Variants in LANCL2 observed in about 807,000 individuals in gnomAD.
LANCL2 encodes the protein LanC like glutathione S-transferase 2, also known as lanC-like protein 2.
Under a neutral mutation model 56.9 loss-of-function variants are expected in LANCL2, and 33 were observed. The observed-to-expected ratio is 0.58, with a 90% CI of 0.44 to 0.78. The LOEUF (loss-of-function observed/expected upper bound fraction) is 0.78. LANCL2 is among the 30% of genes least tolerant of loss of function. The pLI is 0.00. For synonymous variants in LANCL2, 233 were observed against 228.2 expected, an observed-to-expected ratio of 1.02 and a Z score of -0.19; for missense variants, 562 against 580.2, an observed-to-expected ratio of 0.97 and a Z score of 0.32.
intron 4 of LANCL2, 82 bp from the exon 5 acceptor site, chr7:55,401,092 T>A: frequency 3.4e-6 from 4 of 1,167,022 alleles, no homozygotes; most frequent in Non-Finnish European, 5.0e-6. Context: ...ATATATGTCA[T>A]ATATATATGA....
chr7:55,366,252 G>C (rs541111797), intron 1 of LANCL2, 23 bp downstream of exon 1: 3 of 1,456,054 alleles, frequency 2.1e-6, no homozygotes, highest in African/African-American at 2.9e-5. Context: ...CCTGGCCGCA[G>C]AGGCGCCGGA....
intron 1 of LANCL2, among the ~76,000 whole-genome samples, chr7:55,369,500 T>C (rs1450121664): frequency 1.3e-5 from 2 of 152,214 alleles, no homozygotes; most frequent in Admixed American, 1.3e-4. Context: ...TTTTTTACAA[T>C]ATTGGGCCAA....
chr7:55,428,730 C>CAATGGAAGAAA (rs1164590133), intron 8 of LANCL2, among the ~76,000 whole-genome samples: 33 of 152,278 alleles, frequency 2.2e-4, no homozygotes, highest in African/African-American at 7.7e-4. Context: ...AAATAGTTTA[C>CAATGGAAGAAA]TCCTCTGCAT....
intron 2 of LANCL2, among the ~76,000 whole-genome samples, chr7:55,395,315 G>A (rs1790237888): frequency 6.6e-6 from 1 of 152,164 alleles, no homozygotes; most frequent in African/African-American, 2.4e-5. Context: ...AAAATTGGCA[G>A]TACTTTCAAC....
chr7:55,429,027 T>C (rs1444291535), intron 8 of LANCL2, among the ~76,000 whole-genome samples: 1 of 152,080 alleles, frequency 6.6e-6, no homozygotes, highest in Non-Finnish European at 1.5e-5. Flanking sequence ...CGGATATTCG[T>C]TAGATTTGTA....
intron 6 of LANCL2, among the ~76,000 whole-genome samples, chr7:55,420,437 T>C (rs1378675844): frequency 6.6e-6 from 1 of 152,238 alleles, no homozygotes; most frequent in Non-Finnish European, 1.5e-5. Context: ...GATTTAACAT[T>C]TTAAAATTTA....
chr7:55,406,988 AC>A (rs1167377772), intron 5 of LANCL2, among the ~76,000 whole-genome samples: 1 of 152,026 alleles, frequency 6.6e-6, no homozygotes, highest in Non-Finnish European at 1.5e-5. Flanking sequence ...GAACCCCAGA[AC>A]TCAGGAGGGG....
In LANCL2 at chr7:55,432,744, C is replaced by G. The variant is rs1043444482; in HGVS notation, c.*1424C>G. 6.6e-6 allele frequency: 1 copy of G among 152,232 alleles called. No individual in the cohort carries two copies. Among genetic ancestry groups the G allele is most frequent in the African/African-American group, 2.4e-5 (1 of 41,456 alleles). The allele number at this position is 152,232 out of a possible 1,614,324, so 9.4% of individuals were successfully genotyped here. On this transcript the variant is annotated 3_prime_UTR_variant, in exon 9 of 9. Transcript: ENST00000254770. ...TGTGGTTATGTGTGGGGCTGGCACCCGAAATGTGTGACATTCAGCTTCTAA... is the reference window on the plus strand; with the variant it reads ...TGTGGTTATGTGTGGGGCTGGCACCGGAAATGTGTGACATTCAGCTTCTAA...
chr7:55,393,037 T>A (rs1345594329), intron 2 of LANCL2, among the ~76,000 whole-genome samples: 1 of 152,214 alleles, frequency 6.6e-6, no homozygotes, highest in Non-Finnish European at 1.5e-5. Context: ...AAAATGTAAT[T>A]GAAAAATTAA....
chr7:55,392,565 T>A (rs115355936), intron 2 of LANCL2, among the ~76,000 whole-genome samples: 126 of 148,838 alleles, frequency 8.5e-4, no homozygotes, highest in African/African-American at 3.0e-3. Context: ...CTGAGGTTGG[T>A]CTCAAATTCC....
chr7:55,407,632 A>G (rs531145834), intron 5 of LANCL2, among the ~76,000 whole-genome samples: 7 of 152,180 alleles, frequency 4.6e-5, no homozygotes, highest in Non-Finnish European at 8.8e-5. Flanking sequence ...GGCCTTGTCA[A>G]TCAGTTGAAG....
chr7:55,430,801 G>A (rs1790719015), intron 8 of LANCL2, among the ~76,000 whole-genome samples: 1 of 152,084 alleles, frequency 6.6e-6, no homozygotes, highest in South Asian at 2.1e-4. Flanking sequence ...AATGATTTGG[G>A]GTGGGGATTT....
rs1562863045 is a variant in LANCL2, at chr7:55,398,669, AG to A, written c.530+40del. The stretch of plus-strand genomic sequence containing the variant: ...CTGGAAACATTTTCTCCCAATTCCC[AG>A]TGGAAGCTCTTGCTGTAGAAAGATA... On this transcript the variant is annotated intron_variant, in intron 3 of 8. Coordinates refer to ENST00000254770, the MANE Select transcript of LANCL2 (RefSeq NM_018697.4). 2.1e-6 allele frequency: 3 copies of A among 1,463,220 alleles called. No individual in the cohort carries two copies. The South Asian group carries it at 3.4e-5, about 17-fold the overall frequency. 90.6% of individuals were successfully genotyped at this position (1,463,220 alleles called of 1,614,324 possible). A position where few individuals can be genotyped will look rare whatever the true frequency, so the allele number is the denominator to read the frequency against.
intron 3 of LANCL2, among the ~76,000 whole-genome samples, chr7:55,399,645 C>T (rs1790298165): frequency 6.6e-6 from 1 of 152,142 alleles, no homozygotes; most frequent in African/African-American, 2.4e-5. Flanking sequence ...GCCCGGCCTG[C>T]AGTACCATTT....
chr7:55,430,616 G>A (rs1457228520), intron 8 of LANCL2, among the ~76,000 whole-genome samples: 6 of 152,172 alleles, frequency 3.9e-5, no homozygotes, highest in East Asian at 3.8e-4. Context: ...TTTATTGTAC[G>A]TGAATTTTAC....
chr7:55,406,518 T>C (rs896888632), intron 5 of LANCL2, among the ~76,000 whole-genome samples: 1 of 152,186 alleles, frequency 6.6e-6, no homozygotes, highest in Non-Finnish European at 1.5e-5. Context: ...GCCCCACCTC[T>C]TAGCCTGTCA....
At chr7:55,371,451 T>C (rs781020544) in intron 1 of LANCL2, among the ~76,000 whole-genome samples, 1 of 152,264 alleles carries the variant, frequency 6.6e-6, no homozygotes, top group South Asian at 2.1e-4. Context: ...CTCAAACTTC[T>C]GGGCTCAAGG....
intron 1 of LANCL2, among the ~76,000 whole-genome samples, chr7:55,383,408 T>C (rs1790090183): frequency 1.3e-5 from 2 of 152,156 alleles, no homozygotes; most frequent in Non-Finnish European, 2.9e-5. Flanking sequence ...TGACCATGTA[T>C]GTCATTCACA....
intron 3 of LANCL2, 124 bp downstream of exon 3, chr7:55,398,754 G>A (rs926312173): frequency 2.1e-5 from 16 of 744,348 alleles, no homozygotes; most frequent in African/African-American, 1.6e-4. Context: ...ACTCCAAAAT[G>A]TTAATCTTGA....
Sources: gnomAD v4.1 joint callset for allele counts (sites outside exome capture counted in the v4.1 genomes callset) on GRCh38, gnomAD v4.1.1 for gene constraint, MANE v1.5 for transcripts, NCBI Gene and HGNC (gene_info 2026-07-23, HGNC 2026-07-21) for gene names.